DOCK7: variants seen among roughly 807,000 people sequenced by gnomAD.
DOCK7 encodes dedicator of cytokinesis protein 7.
A neutral mutation model predicts 271.0 loss-of-function variants in DOCK7; 138 were observed. The ratio of observed to expected loss-of-function variants is 0.51; its 90% CI spans 0.44 to 0.59. The LOEUF (loss-of-function observed/expected upper bound fraction) is 0.59, where lower values mean the gene tolerates loss of function less well. DOCK7 is among the 20% of genes least tolerant of loss of function. DOCK7 has a pLI of 0.00. For missense variants in DOCK7, 2,066 were observed against 2,592.4 expected (o/e 0.80, Z 4.41); for synonymous variants, 823 against 876.1 (o/e 0.94, Z 1.07).
chr1:62,522,693 T>C (rs1644887817), intron 31 of DOCK7, among the ~76,000 whole-genome samples: 1 of 151,908 alleles, frequency 6.6e-6, no homozygotes, highest in Non-Finnish European at 1.5e-5. Flanking sequence ...AAATTACATA[T>C]ATAAAAAAAC....
chr1:62,577,429 G>T, intron 17 of DOCK7, 66 bp from the exon 18 acceptor site: 3 of 1,268,484 alleles, frequency 2.4e-6, no homozygotes, highest in Non-Finnish European at 3.2e-6. Context: ...TACTTAGCAT[G>T]TTTTAAGAAC....
intron 17 of DOCK7, among the ~76,000 whole-genome samples, chr1:62,578,554 T>C (rs1345045892): frequency 1.3e-5 from 2 of 151,918 alleles, no homozygotes. Flanking sequence ...ACCCCATCTC[T>C]ACTAAAAATA....
At chr1:62,571,569 T>C (rs1360947557) in intron 18 of DOCK7, among the ~76,000 whole-genome samples, 4 of 152,170 alleles carry the variant, frequency 2.6e-5, no homozygotes, top group South Asian at 4.1e-4. Flanking sequence ...CCCAAAGGAA[T>C]AGAAATCATT....
At chr1:62,459,243 AC>A (rs1427771906) in intron 48 of DOCK7, 2 of 148,758 alleles carry the variant, frequency 1.3e-5, no homozygotes, top group African/African-American at 2.5e-5. Context: ...GATATAATGT[AC>A]TTTTTTTTTT....
At chr1:62,563,744 C>A (rs1006746294) in intron 18 of DOCK7, among the ~76,000 whole-genome samples, 1 of 151,460 alleles carries the variant, frequency 6.6e-6, no homozygotes, top group Non-Finnish European at 1.5e-5. Context: ...TTAAAAGACA[C>A]AGACTGGCAA....
At chr1:62,604,846 T>C in intron 14 of DOCK7, 1 of 1,594,102 alleles carries the variant, frequency 6.3e-7, no homozygotes, top group Non-Finnish European at 8.6e-7. Flanking sequence ...GGCAATAATT[T>C]AAACATTAAC....
intron 31 of DOCK7, among the ~76,000 whole-genome samples, chr1:62,517,725 A>G (rs1461996479): frequency 6.6e-6 from 1 of 152,268 alleles, no homozygotes; most frequent in Admixed American, 6.5e-5. Flanking sequence ...ATTAGAAAGA[A>G]CATGGAGCAA....
chr1:62,632,459 A>C (rs887597690), intron 10 of DOCK7, among the ~76,000 whole-genome samples: 4 of 152,182 alleles, frequency 2.6e-5, no homozygotes, highest in African/African-American at 9.7e-5. Context: ...AGATCTACAG[A>C]AAAAGCTCAG....
intron 12 of DOCK7, among the ~76,000 whole-genome samples, chr1:62,624,070 T>A (rs151236357): frequency 6.6e-6 from 1 of 152,180 alleles, no homozygotes; most frequent in African/African-American, 2.4e-5. Context: ...CTACTCCAGT[T>A]TGTTACGCTA....
chr1:62,583,853 T>C (rs1160692076), intron 15 of DOCK7, among the ~76,000 whole-genome samples: 1 of 152,136 alleles, frequency 6.6e-6, no homozygotes, highest in Non-Finnish European at 1.5e-5. Context: ...TTGGAATAAG[T>C]TTATAGATAA....
intron 4 of DOCK7, among the ~76,000 whole-genome samples, 182 bp from the exon 5 acceptor site, chr1:62,648,726 G>A (rs750981754): frequency 2.0e-5 from 3 of 151,954 alleles, no homozygotes; most frequent in Non-Finnish European, 4.4e-5. Flanking sequence ...CCCAGCTAAG[G>A]AGTAGAGTAT....
chr1:62,525,782 C>A (rs966480821), intron 31 of DOCK7, among the ~76,000 whole-genome samples: 2 of 152,162 alleles, frequency 1.3e-5, no homozygotes, highest in African/African-American at 4.8e-5. Flanking sequence ...AAATTTGCTA[C>A]ACTGGAATTC....
In DOCK7 at chr1:62,654,102, G is replaced by C; in HGVS notation, c.202C>G (p.Pro68Ala). 1.9e-6 allele frequency: 3 copies of C among 1,613,966 alleles called. No homozygotes were observed. Among genetic ancestry groups the C allele is most frequent in the Non-Finnish European group, 2.5e-6 (3 of 1,179,922 alleles). The change falls in exon 3 of 50, where the codon CCT (proline) becomes GCT (alanine). Residue 68 changes from proline to alanine, a missense_variant. Physicochemically the swap from Pro to Ala is conservative, Grantham distance 27. Around this residue, in one of 2 missense-constraint regions of DOCK7, gnomAD observed 1,414 missense variants for 1,670.4 expected, o/e 0.85. Transcript: ENST00000635253. The stretch of plus-strand genomic sequence containing the variant: ...AAAGGCCCAGAATCCACAGCCAAAG[G>C]ATGAGTAATGAGGTAATCTTCCAAA... ...VDLEDYLITH[P>A]LAVDSGPLRD...
intron 14 of DOCK7, among the ~76,000 whole-genome samples, chr1:62,595,861 C>T (rs1047739645): frequency 1.5e-4 from 23 of 152,084 alleles, no homozygotes; most frequent in African/African-American, 4.8e-4. Context: ...CCCAGGAGTT[C>T]GTGGCTATAG....
intron 1 of DOCK7, among the ~76,000 whole-genome samples, chr1:62,679,372 T>C (rs1660865510): frequency 1.3e-5 from 2 of 152,144 alleles, no homozygotes; most frequent in African/African-American, 4.8e-5. Context: ...AGGTATTTGC[T>C]ACACATATAA....
chr1:62,583,625 C>T (rs1452387974), intron 15 of DOCK7, among the ~76,000 whole-genome samples: 1 of 152,032 alleles, frequency 6.6e-6, no homozygotes, highest in African/African-American at 2.4e-5. Context: ...ACCTACTATA[C>T]AAATTGTTGG....
At chr1:62,643,657 C>T (rs1209694948) in intron 7 of DOCK7, among the ~76,000 whole-genome samples, 1 of 152,158 alleles carries the variant, frequency 6.6e-6, no homozygotes, top group Non-Finnish European at 1.5e-5. Flanking sequence ...AGAGTTACTA[C>T]TATGTTTCAT....
intron 14 of DOCK7, chr1:62,604,856 C>T: frequency 1.3e-6 from 2 of 1,570,990 alleles, no homozygotes; most frequent in Non-Finnish European, 1.7e-6. Flanking sequence ...TAAACATTAA[C>T]CTCATTCCAA....
rs573486635 is a variant in DOCK7 at position 62,490,249 on chromosome 1, T to C, written c.5362-1184A>G. ...CCATGCCCAGCTAATTTTTTCATTT[T>C]TTGTAGAGATGACGCTCTTGTTACA... On this transcript the variant is annotated intron_variant, in intron 41 of 49. Coordinates refer to ENST00000635253, the MANE Select transcript of DOCK7 (RefSeq NM_001367561.1). Among the ~76,000 whole-genome samples, 4 of 152,028 alleles carry C rather than the reference T, an allele frequency of 2.6e-5. No individual in the cohort carries two copies. The South Asian group carries it at 6.2e-4, about 24-fold the overall frequency.
Sources: gnomAD v4.1 joint callset for allele counts (sites outside exome capture counted in the v4.1 genomes callset) on GRCh38, gnomAD v4.1.1 for gene constraint, gnomAD v4.1.1 regional missense constraint, MANE v1.5 for transcripts, NCBI Gene and HGNC (gene_info 2026-07-23, HGNC 2026-07-21) for gene names.